The following DIDO1 variants were observed in gnomAD, a reference collection of about 807,000 sequenced individuals.
DIDO1 encodes death-inducer obliterator 1.
A neutral mutation model predicts 99.4 loss-of-function variants in DIDO1; 16 were observed. The observed-to-expected ratio is 0.16, with a 90% CI of 0.11 to 0.24. The LOEUF is 0.24. Among genes scored for constraint, DIDO1 ranks in the 10% least tolerant of loss-of-function variants. The probability of loss-of-function intolerance (pLI) is 1.00; values close to 1 mark genes in which losing one functional copy is unlikely to be tolerated. For synonymous variants in DIDO1, 1,366 were observed against 1,239.1 expected, an observed-to-expected ratio of 1.10 and a Z score of -2.15; for missense variants, 2,996 against 3,014.0, an observed-to-expected ratio of 0.99 and a Z score of 0.14.
At chr20:62,882,590 A>AGGAACGCACGCCCCG (rs1555837502) in intron 15 of DIDO1, among the ~76,000 whole-genome samples, 176 bp from the exon 16 acceptor site, 3 of 150,790 alleles carry the variant, frequency 2.0e-5, no homozygotes, top group Admixed American at 1.3e-4. Context: ...ATTCCGCCCC[A>AGGAACGCACGCCCCG]GGAACGCACC....
intron 15 of DIDO1, chr20:62,888,063 C>T (rs1001111740): frequency 1.8e-5 from 18 of 985,412 alleles, no homozygotes; most frequent in African/African-American, 5.2e-5. Flanking sequence ...TCTCACTGCC[C>T]GACAAGGGCC....
At chr20:62,895,206 A>C (rs375094141) in intron 8 of DIDO1, 41 bp from the exon 9 acceptor site, 1 of 1,532,828 alleles carries the variant, frequency 6.5e-7, no homozygotes. Flanking sequence ...TAATATTCCT[A>C]TATCTGTCAA....
intron 1 of DIDO1, among the ~76,000 whole-genome samples, chr20:62,935,232 T>C (rs1164431597): frequency 3.9e-5 from 6 of 152,234 alleles, no homozygotes; most frequent in Non-Finnish European, 7.3e-5. Flanking sequence ...GGACTGCTCA[T>C]TTCCATCCTG....
Position 62,896,428 on chromosome 20 carries a change from C to T in DIDO1, c.2055-36G>A, listed in dbSNP as rs763247052. 1.3e-6 allele frequency: 2 copies of T among 1,598,450 alleles called. No individual in the cohort carries two copies. Among genetic ancestry groups the T allele is most frequent in the East Asian group, 2.2e-5 (1 of 44,836 alleles). The stretch of plus-strand genomic sequence containing the variant: ...TAAAAAAAAGGAACTACATAAGACA[C>T]TTGTGTATATTAAACTTTTTGAACA... On this transcript the variant is annotated intron_variant, in intron 7 of 15. Coordinates refer to ENST00000395343, the MANE Select transcript of DIDO1 (RefSeq NM_001193369.2). The surrounding 1 kb of genome is among the most constrained non-coding windows in gnomAD (Gnocchi z 4.4).
chr20:62,879,404 G>A lies in DIDO1; in HGVS notation c.6552C>T (p.Asp2184=). ...GGGACCGGTCCCGGTCGCGCCTCCG[G>A]TCTCGCTCGCGCTCTCGGTTCCTGC... ...ERSRNRERER[D]RRRDRDRSRS... Residue 2184 remains aspartate (D), a synonymous_variant, in exon 16 of 16, where the codon GAC becomes GAT. Transcript: ENST00000395343. This position sits in a 1 kb window ranked among gnomAD's most constrained non-coding sequence, Gnocchi z 6.3. 1.3e-6 allele frequency: 2 copies of A among 1,543,726 alleles called. No individual in the cohort carries two copies. The highest frequency in any genetic ancestry group is 1.7e-6 in the Non-Finnish European group (2 of 1,148,076).
intron 15 of DIDO1, among the ~76,000 whole-genome samples, chr20:62,884,400 G>A (rs973447780): frequency 4.6e-5 from 7 of 152,270 alleles, no homozygotes; most frequent in Admixed American, 3.3e-4. Context: ...CAGCGGCAGC[G>A]ACGTAACACT....
intron 15 of DIDO1, chr20:62,889,058 A>G: frequency 1.0e-6 from 1 of 985,466 alleles, no homozygotes; most frequent in Middle Eastern, 5.2e-4. Context: ...TCGTGGCCTC[A>G]GCAAGTGCCT....
chr20:62,929,692 A>AAAAAAAAAAAAAAAAAATATATATATAT, upstream of DIDO1, among the ~76,000 whole-genome samples: 2 of 63,708 alleles, frequency 3.1e-5, no homozygotes, highest in African/African-American at 1.5e-4. Context: ...AAAAAGAAAA[A>AAAAAAAAAAAAAAAAAATATATATATAT]GTGTATATAT....
At chr20:62,902,291 T>C (rs773157029) in intron 6 of DIDO1, among the ~76,000 whole-genome samples, 1 of 152,206 alleles carries the variant, frequency 6.6e-6, no homozygotes, top group Non-Finnish European at 1.5e-5. Context: ...AAGAATGTCA[T>C]TACTGACAGC....
rs1463362918 is a variant in DIDO1 at position 62,896,068 on chromosome 20, T to C, written c.2214+165A>G. ...GGAAGGGAAGGGGTTTCCAGGACGCTCAACGCCAGTGCAACAATACGTGGG... is the reference window on the plus strand; with the variant it reads ...GGAAGGGAAGGGGTTTCCAGGACGCCCAACGCCAGTGCAACAATACGTGGG... On this transcript the variant is annotated intron_variant, in intron 8 of 15. Coordinates refer to ENST00000395343, the MANE Select transcript of DIDO1 (RefSeq NM_001193369.2). This position sits in a 1 kb window ranked among gnomAD's most constrained non-coding sequence, Gnocchi z 4.4. 1.3e-5 allele frequency among the ~76,000 whole-genome samples: 2 copies of C among 152,086 alleles called. No individual in the cohort carries two copies. Among genetic ancestry groups the C allele is most frequent in the African/African-American group, 4.8e-5 (2 of 41,406 alleles).
chr20:62,920,345 C>A (rs1171577201), intron 1 of DIDO1, among the ~76,000 whole-genome samples: 1 of 152,194 alleles, frequency 6.6e-6, no homozygotes, highest in Non-Finnish European at 1.5e-5. Flanking sequence ...AATTCCATGG[C>A]CCCAAGCACA....
intron 3 of DIDO1, among the ~76,000 whole-genome samples, chr20:62,910,357 T>C (rs904877153): frequency 2.6e-5 from 4 of 152,222 alleles, no homozygotes; most frequent in Non-Finnish European, 5.9e-5. Flanking sequence ...CAGAGATCTT[T>C]TGAGCTGCCC....
intron 15 of DIDO1, chr20:62,888,354 C>G (rs937687463): frequency 5.1e-6 from 5 of 985,554 alleles, no homozygotes; most frequent in Admixed American, 6.1e-5. Context: ...GCTCCCACAT[C>G]AGTGCCCTGA....
At chr20:62,889,919 C>A (rs2064363914) in intron 15 of DIDO1, 1 of 985,478 alleles carries the variant, frequency 1.0e-6, no homozygotes, top group Non-Finnish European at 1.2e-6. Flanking sequence ...ATAGGCTGAG[C>A]CCACTCCAGC....
Position 62,909,861 on chromosome 20 carries a change from T to C in DIDO1, c.999A>G (p.Ala333=). The change falls in exon 4 of 16, where the codon GCA becomes GCG. Residue 333 remains alanine, a synonymous_variant. Coordinates refer to ENST00000395343, the MANE Select transcript of DIDO1 (RefSeq NM_001193369.2). ...GTCTCCATTTAGCTTCCTGCTGATC[T>C]GCCGTTTCTGAATGAGTCTCATCCT... ...QVQDETHSET[A]DQQEAKWRPG... is the part of the protein sequence containing the mutation. 1 of 1,614,246 alleles carries C rather than the reference T, an allele frequency of 6.2e-7. No individual in the cohort carries two copies. Among genetic ancestry groups the C allele is most frequent in the Non-Finnish European group, 8.5e-7 (1 of 1,180,040 alleles).
chr20:62,932,437 T>G (rs1043938876), intron 1 of DIDO1, among the ~76,000 whole-genome samples: 16 of 152,268 alleles, frequency 1.1e-4, no homozygotes, highest in Admixed American at 8.5e-4. Context: ...ATATATTTTT[T>G]GTTAATTTTT....
Position 62,890,131 on chromosome 20 carries a change from C to T in DIDO1, c.3541+829G>A. The T allele has an allele frequency of 4.1e-6, 4 of 985,986 alleles. No homozygotes were observed. In the South Asian group the frequency reaches 1.4e-4, roughly 35 times the overall value. The allele number at this position is 985,986 out of a possible 1,614,324, so 61.1% of individuals were successfully genotyped here. Reference sequence around the variant, plus strand: ...ACAGAGGGCACTGAGGCACAGGGTCCAGACAGCACCTGCCTTTATGACGAA... The same window carrying T: ...ACAGAGGGCACTGAGGCACAGGGTCTAGACAGCACCTGCCTTTATGACGAA... On this transcript the variant is annotated intron_variant, in intron 15 of 15. Coordinates refer to ENST00000395343, the MANE Select transcript of DIDO1 (RefSeq NM_001193369.2).
intron 15 of DIDO1, chr20:62,889,887 C>T (rs2064363327): frequency 2.0e-6 from 2 of 985,336 alleles, no homozygotes; most frequent in Admixed American, 6.1e-5. Flanking sequence ...CCTTTATGGA[C>T]ATATAATTCC....
At position 62,881,211 on chromosome 20, in the gene DIDO1, G is replaced by C; in HGVS notation, c.4745C>G (p.Ser1582Trp). 1.2e-6 allele frequency: 2 copies of C among 1,604,352 alleles called. No individual in the cohort carries two copies. The highest frequency in any genetic ancestry group is 1.7e-6 in the Non-Finnish European group (2 of 1,177,762). The change falls in exon 16 of 16, where the codon TCG (serine) becomes TGG (tryptophan). Residue 1582 changes from serine to tryptophan, a missense_variant. By Grantham distance (177) the Ser-to-Trp change is radical (BLOSUM62 -3). Transcript: ENST00000395343. This position sits in a 1 kb window ranked among gnomAD's most constrained non-coding sequence, Gnocchi z 8.3. Reference protein sequence around the residue: ...EGEGEPLSRLSARGAQGALPE... With the variant: ...EGEGEPLSRLWARGAQGALPE... Reference sequence around the variant, plus strand: ...CAGGGCACCCTGGGCACCACGTGCCGAGAGCCTGGAGAGAGGCTCCCCCTC... The same window carrying C: ...CAGGGCACCCTGGGCACCACGTGCCCAGAGCCTGGAGAGAGGCTCCCCCTC...
Sources: gnomAD v4.1 joint callset for allele counts (sites outside exome capture counted in the v4.1 genomes callset) on GRCh38, gnomAD v4.1.1 for gene constraint, Gnocchi (gnomAD v3.1) non-coding constraint, MANE v1.5 for transcripts, NCBI Gene and HGNC (gene_info 2026-07-23, HGNC 2026-07-21) for gene names.